ATP11A: variants seen among roughly 807,000 people sequenced by gnomAD.
ATP11A encodes the protein ATPase phospholipid transporting 11A.
In ATP11A, 81 loss-of-function variants were observed where a neutral mutation model predicts 154.4. The ratio of observed to expected loss-of-function variants is 0.52; its 90% CI spans 0.44 to 0.63. ATP11A has a LOEUF of 0.63. Ranked by LOEUF, ATP11A falls within the 30% of genes least tolerant of loss-of-function variation. The probability of loss-of-function intolerance (pLI) is 0.00; values close to 1 mark genes in which losing one functional copy is unlikely to be tolerated. For missense variants in ATP11A, 1,316 were observed against 1,474.3 expected, an observed-to-expected ratio of 0.89 and a Z score of 1.76; for synonymous variants, 623 against 585.9, an observed-to-expected ratio of 1.06 and a Z score of -0.91.
At chr13:112,856,233 C>G in intron 20 of ATP11A, 148 bp downstream of exon 20, 1 of 791,978 alleles carries the variant, frequency 1.3e-6, no homozygotes, top group Non-Finnish European at 1.9e-6. Flanking sequence ...AGATTTAAAA[C>G]GCAGATCTTG....
chr13:112,828,228 A>AGG (rs1308552926), intron 12 of ATP11A, among the ~76,000 whole-genome samples: 1 of 105,912 alleles, frequency 9.4e-6, no homozygotes, highest in East Asian at 3.2e-4. Flanking sequence ...TGTTGAGTGC[A>AGG]GGGGAAAGCA....
At chr13:112,822,469 C>T (rs559252180) in intron 8 of ATP11A, among the ~76,000 whole-genome samples, 5 of 152,244 alleles carry the variant, frequency 3.3e-5, no homozygotes, top group Non-Finnish European at 7.4e-5. Flanking sequence ...CATGTCCCCC[C>T]CATTCAGAGG....
intron 1 of ATP11A, among the ~76,000 whole-genome samples, chr13:112,732,430 G>T (rs974645331): frequency 6.6e-6 from 1 of 151,820 alleles, no homozygotes; most frequent in Non-Finnish European, 1.5e-5. Context: ...CTCTCCAGCT[G>T]TGTCTCTCTC....
At chr13:112,854,128 C>A (rs978850205) in intron 18 of ATP11A, 151 bp from the exon 19 acceptor site, 15 of 998,696 alleles carry the variant, frequency 1.5e-5, no homozygotes. Context: ...TTCAGTACTT[C>A]GTGGTGAGAT....
At chr13:112,700,230 G>T (rs182408533) in intron 1 of ATP11A, among the ~76,000 whole-genome samples, 151 of 152,316 alleles carry the variant, frequency 9.9e-4, no homozygotes, top group Admixed American at 1.9e-3. Flanking sequence ...TGTGAAGAGC[G>T]TGCAGCCTGG....
chr13:112,786,797 C>G (rs1442157651), intron 2 of ATP11A, among the ~76,000 whole-genome samples: 2 of 152,256 alleles, frequency 1.3e-5, no homozygotes, highest in African/African-American at 2.4e-5. Flanking sequence ...GTGCCCTCAC[C>G]TGTAGACGCA....
rs1331465157 is a variant in ATP11A, at chr13:112,696,319, C to T, written c.39+5864C>T. On this transcript the variant is annotated intron_variant, in intron 1 of 29. Coordinates refer to ENST00000375645, the MANE Select transcript of ATP11A (RefSeq NM_015205.3). This position sits in a 1 kb window ranked among gnomAD's most constrained non-coding sequence, Gnocchi z 6.2. ...GGCTTTCCGGAACCTTCTCCCCGCACTCCTCTTCACGTGGAGAGTGGGTGA... is the reference window on the plus strand; with the variant it reads ...GGCTTTCCGGAACCTTCTCCCCGCATTCCTCTTCACGTGGAGAGTGGGTGA... Among the ~76,000 whole-genome samples, 1 of 152,218 alleles carries T rather than the reference C, an allele frequency of 6.6e-6. No individual in the cohort carries two copies. The highest frequency in any genetic ancestry group is 1.5e-5 in the Non-Finnish European group (1 of 68,042).
At chr13:112,839,800 A>G (rs1000082849) in intron 16 of ATP11A, among the ~76,000 whole-genome samples, 4 of 152,118 alleles carry the variant, frequency 2.6e-5, no homozygotes, top group Non-Finnish European at 5.9e-5. Context: ...TAAGCCATTC[A>G]CATGCTCTTG....
intron 1 of ATP11A, among the ~76,000 whole-genome samples, chr13:112,722,252 A>C: frequency 7.6e-6 from 1 of 131,566 alleles, no homozygotes. Context: ...GAAATGCAGG[A>C]CAGCTGTAAG....
intron 13 of ATP11A, among the ~76,000 whole-genome samples, chr13:112,831,968 C>T (rs1345670371): frequency 1.3e-5 from 2 of 151,466 alleles, no homozygotes; most frequent in Non-Finnish European, 2.9e-5. Flanking sequence ...CACACTCACA[C>T]ATGCCCAGAC....
At chr13:112,759,896 T>C (rs1406262439) in intron 1 of ATP11A, among the ~76,000 whole-genome samples, 1 of 152,194 alleles carries the variant, frequency 6.6e-6, no homozygotes, top group Non-Finnish European at 1.5e-5. Context: ...GCATTTTTCA[T>C]GTGAGTTGCT....
chr13:112,716,058 TG>T (rs1419526310), intron 1 of ATP11A, among the ~76,000 whole-genome samples: 1 of 151,708 alleles, frequency 6.6e-6, no homozygotes, highest in Non-Finnish European at 1.5e-5. Context: ...GCCTGGACTT[TG>T]AGAATTGGAG....
intron 2 of ATP11A, among the ~76,000 whole-genome samples, chr13:112,792,744 G>A (rs999288042): frequency 6.6e-6 from 1 of 152,144 alleles, no homozygotes; most frequent in African/African-American, 2.4e-5. Flanking sequence ...AGCTCCCCCA[G>A]GCCTGCTTGC....
chr13:112,886,879 A>T lies in ATP11A; in HGVS notation c.*5013A>T, dbSNP rs940494601. The T allele has an allele frequency of 3.9e-5, 6 of 152,408 alleles. No individual in the cohort carries two copies. 9.4% of individuals were successfully genotyped at this position (152,408 alleles called of 1,614,324 possible). A position where few individuals can be genotyped will look rare whatever the true frequency, so the allele number is the denominator to read the frequency against. On this transcript the variant is annotated 3_prime_UTR_variant, in exon 30 of 30. Coordinates refer to ENST00000375645, the MANE Select transcript of ATP11A (RefSeq NM_015205.3). ...ATCATAAATACTGGAGTTTATTTTT[A>T]AATTATTAAACATAGTAGGTGCATT...
chr13:112,740,879 C>T (rs923682079), intron 1 of ATP11A, among the ~76,000 whole-genome samples: 6 of 152,224 alleles, frequency 3.9e-5, no homozygotes, highest in Non-Finnish European at 8.8e-5. Flanking sequence ...CACCCACTTC[C>T]GCTGCTGACG....
intron 1 of ATP11A, among the ~76,000 whole-genome samples, chr13:112,738,671 T>A (rs2139734286): frequency 6.6e-6 from 1 of 152,248 alleles, no homozygotes; most frequent in Admixed American, 6.5e-5. Context: ...TTCTAGCCCC[T>A]CTGACCCTAT....
At chr13:112,721,011 C>T (rs890240907) in intron 1 of ATP11A, among the ~76,000 whole-genome samples, 1 of 152,108 alleles carries the variant, frequency 6.6e-6, no homozygotes, top group South Asian at 2.1e-4. Flanking sequence ...CTCTTGAAGT[C>T]AGAAGGTGAA....
intron 4 of ATP11A, among the ~76,000 whole-genome samples, chr13:112,809,921 A>G (rs1441549319): frequency 6.6e-6 from 1 of 152,158 alleles, no homozygotes; most frequent in Non-Finnish European, 1.5e-5. Flanking sequence ...AGTGGAAGGC[A>G]TCCAGGTCCG....
rs1029893898 is a variant in ATP11A at position 112,862,294 on chromosome 13, G to A, written c.2856-146G>A. 3.2e-6 allele frequency: 3 copies of A among 942,454 alleles called. No individual in the cohort carries two copies. The African/African-American group carries it at 5.0e-5, about 16-fold the overall frequency. The allele number at this position is 942,454 out of a possible 1,614,324, so 58.4% of individuals were successfully genotyped here. ...TGGTTGTGATGAACATGCCACATTT[G>A]TGGCCAGAGCACAAACTTGATGTTT... On this transcript the variant is annotated intron_variant, in intron 24 of 29. Coordinates refer to ENST00000375645, the MANE Select transcript of ATP11A (RefSeq NM_015205.3).
Sources: allele counts gnomAD v4.1 joint callset (sites outside exome capture counted in the v4.1 genomes callset), GRCh38; gene constraint gnomAD v4.1.1; non-coding constraint Gnocchi (gnomAD v3.1); transcripts MANE v1.5; gene names NCBI Gene and HGNC (gene_info 2026-07-23, HGNC 2026-07-21).